The following UTRN variants were observed in gnomAD, a reference collection of about 807,000 sequenced individuals.
UTRN encodes the protein dystrophin-related protein 1.
In UTRN, 283 loss-of-function variants were observed where a neutral mutation model predicts 463.9. The ratio of observed to expected loss-of-function variants is 0.61; its 90% CI spans 0.55 to 0.67. UTRN has a LOEUF of 0.67. Among genes scored for constraint, UTRN ranks in the 30% least tolerant of loss-of-function variants. UTRN has a pLI of 0.00. For synonymous variants in UTRN, 1,442 were observed against 1,431.5 expected, an observed-to-expected ratio of 1.01 and a Z score of -0.17; for missense variants, 3,922 against 4,084.3, an observed-to-expected ratio of 0.96 and a Z score of 1.08.
chr6:144,664,204 A>C (rs1780161003), intron 51 of UTRN, among the ~76,000 whole-genome samples: 1 of 152,202 alleles, frequency 6.6e-6, no homozygotes, highest in Non-Finnish European at 1.5e-5. Flanking sequence ...ATGTGTGTGC[A>C]TGTGTGTGGC....
intron 2 of UTRN, among the ~76,000 whole-genome samples, chr6:144,317,502 T>A (rs1344883785): frequency 6.6e-6 from 1 of 152,094 alleles, no homozygotes; most frequent in African/African-American, 2.4e-5. Flanking sequence ...GTTCAAGCAA[T>A]TCTCCTGCCT....
intron 1 of UTRN, among the ~76,000 whole-genome samples, chr6:144,288,861 TC>T (rs1803941711): frequency 6.6e-6 from 1 of 151,918 alleles, no homozygotes. Context: ...CCTCCTGAGT[TC>T]AATCAATTCC....
At chr6:144,395,583 G>C (rs969168816) in intron 2 of UTRN, among the ~76,000 whole-genome samples, 1 of 152,042 alleles carries the variant, frequency 6.6e-6, no homozygotes, top group African/African-American at 2.4e-5. Context: ...TTGTTGAAAA[G>C]AAAACAGGTT....
chr6:144,783,771 T>C (rs1019568785), intron 61 of UTRN, among the ~76,000 whole-genome samples: 6 of 152,212 alleles, frequency 3.9e-5, no homozygotes, highest in Admixed American at 3.3e-4. Context: ...TATCTTTTAG[T>C]GTTCATAAAT....
At chr6:144,465,055 C>G (rs1385894462) in intron 23 of UTRN, among the ~76,000 whole-genome samples, 1 of 152,170 alleles carries the variant, frequency 6.6e-6, no homozygotes, top group East Asian at 1.9e-4. Flanking sequence ...AGCTAAACAT[C>G]CCACCATGTA....
At chr6:144,504,510 A>G (rs1794524807) in intron 34 of UTRN, among the ~76,000 whole-genome samples, 1 of 152,146 alleles carries the variant, frequency 6.6e-6, no homozygotes. Flanking sequence ...GGTTTGTGTC[A>G]TTGGTTCTGC....
intron 9 of UTRN, among the ~76,000 whole-genome samples, chr6:144,433,285 C>G (rs1232659522): frequency 4.6e-5 from 7 of 151,428 alleles, no homozygotes; most frequent in Non-Finnish European, 1.5e-5. Flanking sequence ...CCCCTCACCT[C>G]CCGGACGGGG....
intron 51 of UTRN, among the ~76,000 whole-genome samples, chr6:144,591,535 TA>T (rs1803073952): frequency 6.6e-6 from 1 of 152,100 alleles, no homozygotes; most frequent in Non-Finnish European, 1.5e-5. Context: ...AACCTCATAT[TA>T]AAAAGAATCC....
At chr6:144,817,668 A>G (rs1007936598) in intron 65 of UTRN, among the ~76,000 whole-genome samples, 4 of 152,182 alleles carry the variant, frequency 2.6e-5, no homozygotes, top group Admixed American at 1.3e-4. Flanking sequence ...AATTCACTTT[A>G]TTGGCTCTAT....
At chr6:144,531,227 G>C in intron 42 of UTRN, 25 bp downstream of exon 42, 3 of 1,612,200 alleles carry the variant, frequency 1.9e-6, no homozygotes, top group Non-Finnish European at 2.5e-6. Context: ...TTAGAGGAGG[G>C]GGACTGCACA....
Position 144,424,629 on chromosome 6 carries a change from GA to G in UTRN, c.405+557del, listed in dbSNP as rs530024526. Among the ~76,000 whole-genome samples, 185 of 152,046 alleles carry G rather than the reference GA, an allele frequency of 1.2e-3. 1 individual carries two copies. Among genetic ancestry groups the G allele is most frequent in the African/African-American group, 4.1e-3 (171 of 41,514 alleles). ...AAATGCCCTATTTTCCTGGCATAGG[GA>G]AAAAAGTACCTACCTTTCTTATGTT... On this transcript the variant is annotated intron_variant, in intron 6 of 74. Transcript: ENST00000367545.
chr6:144,465,977 G>T (rs368013767), intron 23 of UTRN, among the ~76,000 whole-genome samples: 2 of 152,314 alleles, frequency 1.3e-5, no homozygotes, highest in South Asian at 4.1e-4. Flanking sequence ...GAATACCACA[G>T]AAATACTTAC....
intron 15 of UTRN, 62 bp downstream of exon 15, chr6:144,447,380 T>A (rs1421455767): frequency 1.9e-5 from 29 of 1,504,996 alleles, no homozygotes; most frequent in Non-Finnish European, 2.5e-5. Flanking sequence ...GTTTTATAGC[T>A]AATGGTTAGT....
chr6:144,444,576 C>T (rs1787484523), intron 14 of UTRN, among the ~76,000 whole-genome samples, 194 bp downstream of exon 14: 1 of 152,144 alleles, frequency 6.6e-6, no homozygotes, highest in Non-Finnish European at 1.5e-5. Flanking sequence ...TGTCATTTGG[C>T]TCCATTAATT....
rs185874431 is a variant in UTRN, at chr6:144,525,845, G to A, written c.5906+2657G>A. On this transcript the variant is annotated intron_variant, in intron 41 of 74. Transcript: ENST00000367545. ...TGCTATGCACATTCCTCTTAGTACC[G>A]CTTTTGCCATATCCCAAAAGTTTTG... 1.6e-4 allele frequency among the ~76,000 whole-genome samples: 24 copies of A among 151,992 alleles called. No individual in the cohort carries two copies. The East Asian group carries it at 3.9e-3, about 24-fold the overall frequency.
At chr6:144,551,986 A>G (rs1391199724) in intron 48 of UTRN, among the ~76,000 whole-genome samples, 1 of 151,968 alleles carries the variant, frequency 6.6e-6, no homozygotes, top group East Asian at 1.9e-4. Context: ...AGTTCCTTCT[A>G]TGGCCTTTCC....
chr6:144,523,414 A>G (rs1046065819), intron 41 of UTRN, among the ~76,000 whole-genome samples: 1 of 152,098 alleles, frequency 6.6e-6, no homozygotes, highest in East Asian at 1.9e-4. Flanking sequence ...GGTTCAAGCA[A>G]TTCTCCTGCC....
chr6:144,354,015 C>T (rs1309684259), intron 2 of UTRN, among the ~76,000 whole-genome samples: 1 of 152,090 alleles, frequency 6.6e-6, no homozygotes, highest in Non-Finnish European at 1.5e-5. Flanking sequence ...ATTCTACTTA[C>T]TGGCAGCCTA....
intron 40 of UTRN, 26 bp downstream of exon 40, chr6:144,522,197 A>G (rs1411524489): frequency 6.9e-7 from 1 of 1,449,260 alleles, no homozygotes; most frequent in Admixed American, 2.3e-5. Context: ...CTGTGTTTGA[A>G]TGGCCACAGT....
Sources: allele counts gnomAD v4.1 joint callset (sites outside exome capture counted in the v4.1 genomes callset), GRCh38; gene constraint gnomAD v4.1.1; transcripts MANE v1.5; gene names NCBI Gene and HGNC (gene_info 2026-07-23, HGNC 2026-07-21).